TUFT1: variants seen among roughly 807,000 people sequenced by gnomAD.
TUFT1 encodes the protein tuftelin.
Under a neutral mutation model 57.8 loss-of-function variants are expected in TUFT1, and 43 were observed. That is an observed-to-expected ratio of 0.74 (90% CI 0.58 to 0.96). TUFT1 has a LOEUF of 0.96. Ranked by LOEUF, TUFT1 falls within the 40% of genes least tolerant of loss-of-function variation. The pLI is 0.00. For synonymous variants in TUFT1, 166 were observed against 176.7 expected, an observed-to-expected ratio of 0.94 and a Z score of 0.48; for missense variants, 459 against 489.0, an observed-to-expected ratio of 0.94 and a Z score of 0.58.
intron 1 of TUFT1, among the ~76,000 whole-genome samples, chr1:151,556,872 G>T (rs150344476): frequency 6.6e-6 from 1 of 152,172 alleles, no homozygotes. Context: ...TACGTGGGAG[G>T]CTGAGGTAGG....
intron 1 of TUFT1, among the ~76,000 whole-genome samples, chr1:151,550,850 C>T (rs1665486593): frequency 6.6e-6 from 1 of 152,170 alleles, no homozygotes; most frequent in African/African-American, 2.4e-5. Flanking sequence ...TCAATTGAGC[C>T]TGGGAGGTCA....
intron 7 of TUFT1, among the ~76,000 whole-genome samples, chr1:151,573,919 G>A (rs1044304518): frequency 6.6e-6 from 1 of 152,152 alleles, no homozygotes; most frequent in African/African-American, 2.4e-5. Flanking sequence ...ATTTGCTTTT[G>A]AATTTGTAGG....
intron 7 of TUFT1, among the ~76,000 whole-genome samples, chr1:151,573,482 C>G (rs1474711444): frequency 6.6e-6 from 1 of 152,202 alleles, no homozygotes; most frequent in African/African-American, 2.4e-5. Context: ...AAAAGGCTCA[C>G]TCCTGTAATC....
At chr1:151,562,562 C>CTG in intron 2 of TUFT1, 23 bp from the exon 3 acceptor site, 19 of 1,539,538 alleles carry the variant, frequency 1.2e-5, no homozygotes, top group Non-Finnish European at 1.5e-5. Flanking sequence ...CTCTCTCTCT[C>CTG]TCTCTCATCT....
In TUFT1 at chr1:151,561,853, C is replaced by T. The variant is rs755591562; in HGVS notation, c.61-238C>T. On this transcript the variant is annotated intron_variant, in intron 1 of 12. Coordinates refer to ENST00000368849, the MANE Select transcript of TUFT1 (RefSeq NM_020127.3). ...TGCTGGAGCTCTACAGAGCCATGTG[C>T]CAGGTAATCTTTGTTGTGAAAGAAA... The T allele has an allele frequency of 2.0e-5, 30 of 1,483,204 alleles. No homozygotes were observed. The South Asian group carries it at 2.9e-4, about 14-fold the overall frequency. 91.9% of individuals were successfully genotyped at this position (1,483,204 alleles called of 1,614,324 possible).
intron 1 of TUFT1, among the ~76,000 whole-genome samples, chr1:151,560,513 C>A (rs1046091066): frequency 4.6e-5 from 7 of 152,154 alleles, no homozygotes; most frequent in South Asian, 2.1e-4. Context: ...ATTTCTTCTC[C>A]ACCAAGTTGG....
At chr1:151,541,566 A>T (rs915630870) in intron 1 of TUFT1, among the ~76,000 whole-genome samples, 10 of 152,080 alleles carry the variant, frequency 6.6e-5, no homozygotes, top group Non-Finnish European at 1.5e-4. Context: ...CCTGCTCTTG[A>T]GGTAGAGCTA....
At chr1:151,546,304 A>AT (rs1157001864) in intron 1 of TUFT1, among the ~76,000 whole-genome samples, 3 of 152,006 alleles carry the variant, frequency 2.0e-5, no homozygotes, top group African/African-American at 7.2e-5. Flanking sequence ...ACTCTCTTTT[A>AT]TTTTTTAAAT....
intron 1 of TUFT1, among the ~76,000 whole-genome samples, chr1:151,550,533 C>T (rs1441722572): frequency 3.3e-5 from 5 of 151,962 alleles, no homozygotes; most frequent in Non-Finnish European, 2.9e-5. Flanking sequence ...TCAGTGGAGA[C>T]GGGGTTTCAC....
At position 151,579,701 on chromosome 1, in the gene TUFT1, T is replaced by A. The variant is rs1666584012; in HGVS notation, c.977T>A (p.Leu326His). ...TCAAAGGACGCCACCATCCAGGAGCTCAAGGAGAAAATCGCCTATCTGGAG... is the reference window on the plus strand; with the variant it reads ...TCAAAGGACGCCACCATCCAGGAGCACAAGGAGAAAATCGCCTATCTGGAG... ...IQSKDATIQE[L>H]KEKIAYLEAE... Residue 326 changes from leucine (L) to histidine (H), a missense_variant, in exon 11 of 13, where the codon CTC becomes CAC. By Grantham distance (99) the Leu-to-His change is moderately conservative. Transcript: ENST00000368849. The A allele has an allele frequency of 6.2e-7, 1 of 1,613,750 alleles. No homozygotes were observed. Among genetic ancestry groups the A allele is most frequent in the African/African-American group, 1.3e-5 (1 of 74,842 alleles).
At position 151,562,140 on chromosome 1, in the gene TUFT1, A is replaced by G. The variant is rs1197918059; in HGVS notation, c.110A>G (p.Asp37Gly). The G allele has an allele frequency of 2.5e-6, 4 of 1,614,138 alleles. No individual in the cohort carries two copies. The highest frequency in any genetic ancestry group is 1.7e-4 in the Middle Eastern group (1 of 6,044). Residue 37 changes from aspartate to glycine, a missense_variant, in exon 2 of 13, where the codon GAT becomes GGT. Coordinates refer to ENST00000368849, the MANE Select transcript of TUFT1 (RefSeq NM_020127.3). ...RLTLQGELTGDELEHIAQKAG... is the reference protein window; with the variant it reads ...RLTLQGELTGGELEHIAQKAG... ...ACTCTCCAGGGTGAACTGACAGGAG[A>G]TGAACTTGAACACATAGCCCAGAAG...
At chr1:151,541,142 C>G (rs1665151189) in intron 1 of TUFT1, among the ~76,000 whole-genome samples, 1 of 152,108 alleles carries the variant, frequency 6.6e-6, no homozygotes, top group South Asian at 2.1e-4. Context: ...AGTTTTGCTT[C>G]CGTCTCCAGC....
chr1:151,550,828 G>A (rs1173432408), intron 1 of TUFT1, among the ~76,000 whole-genome samples: 2 of 152,214 alleles, frequency 1.3e-5, no homozygotes, highest in East Asian at 3.8e-4. Flanking sequence ...TTAGGAAGCT[G>A]AGATGAGAGG....
intron 1 of TUFT1, among the ~76,000 whole-genome samples, chr1:151,543,802 C>T (rs903533338): frequency 6.6e-6 from 1 of 152,024 alleles, no homozygotes; most frequent in Non-Finnish European, 1.5e-5. Context: ...CTGATAGGCC[C>T]CCCCCAGATT....
chr1:151,560,747 G>A (rs1218777155), intron 1 of TUFT1, among the ~76,000 whole-genome samples: 3 of 152,170 alleles, frequency 2.0e-5, no homozygotes, highest in South Asian at 4.1e-4. Flanking sequence ...AGGAGCCTGA[G>A]ATATACTTGG....
At position 151,574,841 on chromosome 1, in the gene TUFT1, C is replaced by T. The variant is rs556360978; in HGVS notation, c.724-70C>T. 3.0e-6 allele frequency: 4 copies of T among 1,355,728 alleles called. No homozygotes were observed. The Admixed American group carries it at 5.9e-5, about 20-fold the overall frequency. The allele number at this position is 1,355,728 out of a possible 1,614,324, so 84.0% of individuals were successfully genotyped here. ...GTAGGGGCTGAGTCCCAGCCTGGCG[C>T]CCATCTTAGCCCAAACGCAGAAACT... On this transcript the variant is annotated intron_variant, in intron 8 of 12. Coordinates refer to ENST00000368849, the MANE Select transcript of TUFT1 (RefSeq NM_020127.3).
At chr1:151,545,329 G>A (rs536762989) in intron 1 of TUFT1, among the ~76,000 whole-genome samples, 18 of 152,232 alleles carry the variant, frequency 1.2e-4, no homozygotes, top group African/African-American at 4.3e-4. Flanking sequence ...AAAAAAAAGA[G>A]CATGGCTCTG....
Position 151,574,330 on chromosome 1 carries a change from G to A in TUFT1, c.655G>A (p.Glu219Lys). The A allele has an allele frequency of 6.2e-7, 1 of 1,614,208 alleles. No individual in the cohort carries two copies. The highest frequency in any genetic ancestry group is 2.2e-5 in the East Asian group (1 of 44,888). ...EQSNVALQREEDRVEQKEAEV... is the reference protein window; with the variant it reads ...EQSNVALQREKDRVEQKEAEV... ...AAGTAATGTGGCCCTTCAGAGAGAG[G>A]AGGACAGAGTGGAGCAGAAAGAGGC... is the stretch of plus-strand genomic sequence containing the variant. The change falls in exon 8 of 13, where the codon GAG (glutamate) becomes AAG (lysine). Residue 219 changes from glutamate (E) to lysine (K), a missense_variant. Transcript: ENST00000368849.
chr1:151,574,421 C>T, intron 8 of TUFT1, 23 bp downstream of exon 8: 1 of 1,613,168 alleles, frequency 6.2e-7, no homozygotes, highest in Non-Finnish European at 8.5e-7. Context: ...TCTTGCTTGT[C>T]AGTGCCTGGA....
Sources: gnomAD v4.1 joint callset for allele counts (sites outside exome capture counted in the v4.1 genomes callset) on GRCh38, gnomAD v4.1.1 for gene constraint, MANE v1.5 for transcripts, NCBI Gene and HGNC (gene_info 2026-07-23, HGNC 2026-07-21) for gene names.